Variants in MAP1B observed in about 807,000 individuals in gnomAD.
The protein encoded by MAP1B is microtubule associated protein 1B, also known as microtubule-associated protein 1B.
Under a neutral mutation model 176.1 loss-of-function variants are expected in MAP1B, and 12 were observed. The observed-to-expected ratio is 0.07, with a 90% CI of 0.04 to 0.11. The LOEUF is 0.11. Ranked by LOEUF, MAP1B falls within the 10% of genes least tolerant of loss-of-function variation. The probability of loss-of-function intolerance (pLI) is 1.00; values close to 1 mark genes in which losing one functional copy is unlikely to be tolerated. For synonymous variants in MAP1B, 1,044 were observed against 1,135.0 expected (o/e 0.92, Z 1.61); for missense variants, 2,523 against 2,990.5 (o/e 0.84, Z 3.65).
chr5:72,143,183 A>G (rs1402052402), intron 2 of MAP1B, among the ~76,000 whole-genome samples: 2 of 152,228 alleles, frequency 1.3e-5, no homozygotes, highest in Non-Finnish European at 2.9e-5. Flanking sequence ...TTTTATCAGG[A>G]TTCCCAGAGA....
chr5:72,175,334 C>T (rs747068343), intron 2 of MAP1B, among the ~76,000 whole-genome samples: 1 of 152,072 alleles, frequency 6.6e-6, no homozygotes, highest in African/African-American at 2.4e-5. Flanking sequence ...TACCCCATCA[C>T]CCTTCACTCC....
At position 72,139,616 on chromosome 5, in the gene MAP1B, C is replaced by T. The variant is rs570305242; in HGVS notation, c.286+23817C>T. ...TCAGTCGTTTTTTAATAATAAGTTG[C>T]CGTGACATAAGTTATTGGAAAGGAC... On this transcript the variant is annotated intron_variant, in intron 2 of 6. Transcript: ENST00000296755. 2.6e-5 allele frequency among the ~76,000 whole-genome samples: 4 copies of T among 152,174 alleles called. No homozygotes were observed. In the East Asian group the frequency reaches 7.7e-4, roughly 29 times the overall value.
In MAP1B at chr5:72,159,706, A is replaced by G. The variant is rs562918089; in HGVS notation, c.287-24037A>G. ...AGGCAGGCAGCCTTCAAGGCATTCA[A>G]TGATGAAAATAAAGAAACATTTGTG... On this transcript the variant is annotated intron_variant, in intron 2 of 6. Transcript: ENST00000296755. 2.7e-4 allele frequency among the ~76,000 whole-genome samples: 41 copies of G among 152,366 alleles called. No homozygotes were observed. The South Asian group carries it at 7.9e-3, about 29-fold the overall frequency.
At chr5:72,192,676 A>G (rs189450975) in intron 4 of MAP1B, among the ~76,000 whole-genome samples, 1 of 152,338 alleles carries the variant, frequency 6.6e-6, no homozygotes, top group East Asian at 1.9e-4. Flanking sequence ...GGACCAAATG[A>G]AACCTTGGCT....
At chr5:72,180,063 G>A (rs1370653943) in intron 2 of MAP1B, among the ~76,000 whole-genome samples, 1 of 152,190 alleles carries the variant, frequency 6.6e-6, no homozygotes, top group Non-Finnish European at 1.5e-5. Context: ...TGCTGTGGAG[G>A]CAGGTGGACT....
intron 2 of MAP1B, among the ~76,000 whole-genome samples, chr5:72,138,995 T>C (rs1255117735): frequency 2.0e-5 from 3 of 152,168 alleles, no homozygotes; most frequent in Non-Finnish European, 4.4e-5. Flanking sequence ...AAGCCAAGCA[T>C]TGGAGACATG....
intron 2 of MAP1B, among the ~76,000 whole-genome samples, chr5:72,173,069 GC>G: frequency 6.6e-6 from 1 of 152,330 alleles, no homozygotes; most frequent in East Asian, 1.9e-4. Flanking sequence ...TTGCTCCACT[GC>G]CCTGTGCCGC....
At chr5:72,124,851 AG>A (rs1745597635) in intron 2 of MAP1B, among the ~76,000 whole-genome samples, 1 of 152,248 alleles carries the variant, frequency 6.6e-6, no homozygotes, top group African/African-American at 2.4e-5. Flanking sequence ...ACACGTTTTT[AG>A]TGCACCTGGC....
At chr5:72,111,011 C>G (rs1745325026) in intron 1 of MAP1B, among the ~76,000 whole-genome samples, 2 of 152,176 alleles carry the variant, frequency 1.3e-5, no homozygotes, top group African/African-American at 2.4e-5. Context: ...AATAGTGTTT[C>G]CTCGGACTAG....
chr5:72,185,848 C>G (rs1746886056), intron 3 of MAP1B, among the ~76,000 whole-genome samples: 1 of 152,118 alleles, frequency 6.6e-6, no homozygotes, highest in Admixed American at 6.5e-5. Context: ...AACATGATGC[C>G]TGGCAAGTAG....
chr5:72,199,167 T>TCA lies in MAP1B; in HGVS notation c.5812_5813insCA (p.Tyr1938SerfsTer23). On this transcript the variant is annotated frameshift_variant, in exon 5 of 7. Coordinates refer to ENST00000296755, the MANE Select transcript of MAP1B (RefSeq NM_005909.5). LOFTEE classifies it high-confidence loss of function. This position sits in a 1 kb window ranked among gnomAD's most constrained non-coding sequence, Gnocchi z 4.2. ...TACCAAGACCCCTGAAGATGGTGACTATTCCTATGAAATTATTGAGAAGAC... is the reference window on the plus strand; with the variant it reads ...TACCAAGACCCCTGAAGATGGTGACTCAATTCCTATGAAATTATTGAGAAGAC... The TCA allele has an allele frequency of 6.2e-7, 1 of 1,614,180 alleles. No individual in the cohort carries two copies. The highest frequency in any genetic ancestry group is 2.2e-5 in the East Asian group (1 of 44,886).
chr5:72,173,404 C>A (rs1746583752), intron 2 of MAP1B, among the ~76,000 whole-genome samples: 2 of 152,166 alleles, frequency 1.3e-5, no homozygotes, highest in Admixed American at 1.3e-4. Flanking sequence ...AATTAACCTC[C>A]AGAAAACCAT....
In MAP1B at chr5:72,198,181, C is replaced by G; in HGVS notation, c.4826C>G (p.Ser1609Cys). 1.9e-6 allele frequency: 3 copies of G among 1,614,222 alleles called. No individual in the cohort carries two copies. Among genetic ancestry groups the G allele is most frequent in the South Asian group, 1.1e-5 (1 of 91,080 alleles). The change falls in exon 5 of 7, where the codon TCT (serine) becomes TGT (cysteine). Residue 1609 changes from serine (S) to cysteine (C), a missense_variant. Transcript: ENST00000296755. ...TTFQETEMSP[S>C]KEECPRPMSI... Reference sequence around the variant, plus strand: ...TTCCAGGAAACAGAAATGTCTCCATCTAAAGAAGAATGCCCAAGACCGATG... The same window carrying G: ...TTCCAGGAAACAGAAATGTCTCCATGTAAAGAAGAATGCCCAAGACCGATG...
At chr5:72,127,410 G>A (rs916131498) in intron 2 of MAP1B, among the ~76,000 whole-genome samples, 10 of 152,122 alleles carry the variant, frequency 6.6e-5, no homozygotes, top group Non-Finnish European at 1.2e-4. Flanking sequence ...ATCTTTGAAT[G>A]GCTGTTGATT....
intron 2 of MAP1B, among the ~76,000 whole-genome samples, chr5:72,155,000 G>A (rs1746202387): frequency 6.6e-6 from 1 of 152,198 alleles, no homozygotes; most frequent in Non-Finnish European, 1.5e-5. Context: ...AATGGCTTAT[G>A]TATTTTTCTG....
At chr5:72,175,003 T>TTCCC (rs1746622728) in intron 2 of MAP1B, among the ~76,000 whole-genome samples, 1 of 101,850 alleles carries the variant, frequency 9.8e-6, no homozygotes, top group Non-Finnish European at 2.0e-5. Flanking sequence ...CCTTCCTTCC[T>TTCCC]TCCCTCCCTC....
chr5:72,145,539 A>G (rs1233843988), intron 2 of MAP1B, among the ~76,000 whole-genome samples: 4 of 152,234 alleles, frequency 2.6e-5, no homozygotes, highest in Admixed American at 6.5e-5. Context: ...CTGATGGAGA[A>G]TAATACATGA....
At chr5:72,179,382 C>T (rs538494568) in intron 2 of MAP1B, among the ~76,000 whole-genome samples, 6 of 152,300 alleles carry the variant, frequency 3.9e-5, no homozygotes, top group Non-Finnish European at 7.4e-5. Flanking sequence ...GGCTGGAACC[C>T]GGCTGCCTTT....
chr5:72,172,212 C>G (rs1746555545), intron 2 of MAP1B, among the ~76,000 whole-genome samples: 1 of 152,168 alleles, frequency 6.6e-6, no homozygotes, highest in Non-Finnish European at 1.5e-5. Context: ...GGATCTTGAC[C>G]TTAAGAAGTC....
Sources: gnomAD v4.1 joint callset for allele counts (sites outside exome capture counted in the v4.1 genomes callset) on GRCh38, gnomAD v4.1.1 for gene constraint, Gnocchi (gnomAD v3.1) non-coding constraint, MANE v1.5 for transcripts, NCBI Gene and HGNC (gene_info 2026-07-23, HGNC 2026-07-21) for gene names.